The following ZNF335 variants were observed in gnomAD, a reference collection of about 807,000 sequenced individuals.
ZNF335 encodes the protein zinc finger protein 335.
A neutral mutation model predicts 145.6 loss-of-function variants in ZNF335; 84 were observed. That is an observed-to-expected ratio of 0.58 (90% CI 0.48 to 0.69). ZNF335 has a LOEUF of 0.69. Among genes scored for constraint, ZNF335 ranks in the 30% least tolerant of loss-of-function variants. The probability of loss-of-function intolerance (pLI) is 0.00; values close to 1 mark genes in which losing one functional copy is unlikely to be tolerated. For missense variants in ZNF335, 1,865 were observed against 1,809.7 expected, an observed-to-expected ratio of 1.03 and a Z score of -0.55; for synonymous variants, 761 against 717.0, an observed-to-expected ratio of 1.06 and a Z score of -0.98.
chr20:45,961,820 C>T, intron 10 of ZNF335: 1 of 443,146 alleles, frequency 2.3e-6, no homozygotes. Context: ...AACAACTGTC[C>T]CCGTTTGATG....
intron 20 of ZNF335, among the ~76,000 whole-genome samples, chr20:45,951,925 A>G (rs901355464): frequency 3.9e-5 from 6 of 152,086 alleles, no homozygotes; most frequent in African/African-American, 1.4e-4. Flanking sequence ...CTTGGTTCAC[A>G]CTCGGGACAC....
chr20:45,969,589 C>T lies in ZNF335; in HGVS notation c.304G>A (p.Gly102Ser), dbSNP rs538965146. ...SHGPVAGVTG[G>S]PPALVHSSAL... ...CTAGAGTGCACAAGTGCTGGGGGACCGCCTGTCACCCCTGCCACTGGCCCA... is the reference window on the plus strand; with the variant it reads ...CTAGAGTGCACAAGTGCTGGGGGACTGCCTGTCACCCCTGCCACTGGCCCA... Residue 102 changes from glycine to serine, a missense_variant, in exon 3 of 28, where the codon GGT (glycine) becomes AGT (serine). Gly to Ser is a moderately conservative substitution (Grantham distance 56). Transcript: ENST00000322927. The T allele has an allele frequency of 1.3e-5, 21 of 1,605,752 alleles. No individual in the cohort carries two copies. Among genetic ancestry groups the T allele is most frequent in the African/African-American group, 6.7e-5 (5 of 74,936 alleles).
chr20:45,951,819 T>A (rs2083637992), intron 20 of ZNF335, among the ~76,000 whole-genome samples: 1 of 152,252 alleles, frequency 6.6e-6, no homozygotes, highest in African/African-American at 2.4e-5. Flanking sequence ...CACACACTTC[T>A]GTGCCTTTGC....
chr20:45,949,826 G>T lies in ZNF335; in HGVS notation c.3643C>A (p.Gln1215Lys). ...TGGTTGTCGGAGGTCACCAGGTGCT[G>T]TACGGTCTGGCCATCTGCCGTGGTG... ...EITTADGQTV[Q>K]HLVTSDNQVQ... is the part of the protein sequence containing the mutation. Residue 1215 changes from glutamine to lysine, a missense_variant, in exon 24 of 28, where the codon CAG becomes AAG. Physicochemically the swap from Gln to Lys is moderately conservative, Grantham distance 53. Transcript: ENST00000322927. The T allele has an allele frequency of 6.2e-7, 1 of 1,614,150 alleles. No homozygotes were observed. Among genetic ancestry groups the T allele is most frequent in the East Asian group, 2.2e-5 (1 of 44,872 alleles).
chr20:45,963,388 C>T, intron 9 of ZNF335, 85 bp downstream of exon 9: 2 of 1,459,216 alleles, frequency 1.4e-6, no homozygotes, highest in Middle Eastern at 2.3e-4. Context: ...TGCTCTGTGA[C>T]TCCATTCTCC....
intron 17 of ZNF335, 24 bp downstream of exon 17, chr20:45,957,562 G>A: frequency 6.2e-7 from 1 of 1,606,592 alleles, no homozygotes; most frequent in Non-Finnish European, 8.5e-7. Context: ...GCTGGGAAGG[G>A]GAGCAGGTTC....
At chr20:45,955,752 G>A (rs902474473) in intron 17 of ZNF335, among the ~76,000 whole-genome samples, 23 of 151,958 alleles carry the variant, frequency 1.5e-4, no homozygotes, top group African/African-American at 4.3e-4. Flanking sequence ...CCCAGGAGGC[G>A]GAGGTTGCAG....
At chr20:45,954,181 C>A (rs2083684679) in intron 17 of ZNF335, among the ~76,000 whole-genome samples, 1 of 152,192 alleles carries the variant, frequency 6.6e-6, no homozygotes, top group Non-Finnish European at 1.5e-5. Flanking sequence ...TTGTGCCCCC[C>A]ACAAAGATTT....
intron 24 of ZNF335, 57 bp from the exon 25 acceptor site, chr20:45,949,625 A>AGCTT: frequency 6.5e-7 from 1 of 1,533,222 alleles, no homozygotes; most frequent in Non-Finnish European, 8.9e-7. Flanking sequence ...ACTCGCCAGG[A>AGCTT]GCTTAGCTAA....
rs553330304 is a variant in ZNF335 at position 45,955,249 on chromosome 20, G to A, written c.2443-1301C>T. Among the ~76,000 whole-genome samples the A allele has an allele frequency of 4.3e-3, 632 of 147,908 alleles. 4 individuals are homozygous for A. Among genetic ancestry groups the A allele is most frequent in the Non-Finnish European group, 5.4e-3 (366 of 67,386 alleles). On this transcript the variant is annotated intron_variant, in intron 17 of 27. Transcript: ENST00000322927. Reference sequence around the variant, plus strand: ...GGTGTCTGTAGTCCCAGCTACTTGGGAGGCTGAGGCAGAATGGTGTGAACC... The same window carrying A: ...GGTGTCTGTAGTCCCAGCTACTTGGAAGGCTGAGGCAGAATGGTGTGAACC...
chr20:45,969,983 G>T, intron 2 of ZNF335: 2 of 314,688 alleles, frequency 6.4e-6, no homozygotes, highest in Non-Finnish European at 1.2e-5. Context: ...TGCATAAATC[G>T]TTCCCTCTGC....
At chr20:45,970,907 C>CA (rs760063229) in intron 2 of ZNF335, among the ~76,000 whole-genome samples, 10 of 152,032 alleles carry the variant, frequency 6.6e-5, no homozygotes, top group African/African-American at 2.4e-5. Context: ...ATCTGCCTCT[C>CA]AAAGTGTGAG....
In ZNF335 at chr20:45,957,557, G is replaced by T. The variant is rs2083751340; in HGVS notation, c.2442+29C>A. 5 of 1,605,906 alleles carry T rather than the reference G, an allele frequency of 3.1e-6. No individual in the cohort carries two copies. In the Admixed American group the frequency reaches 6.7e-5, roughly 21 times the overall value. ...AGGGCTGGGTACCTGCGGTAGCTGG[G>T]AAGGGGAGCAGGTTCCCAGGCAGCT... On this transcript the variant is annotated intron_variant, in intron 17 of 27. Transcript: ENST00000322927.
intron 17 of ZNF335, among the ~76,000 whole-genome samples, chr20:45,956,230 T>C (rs1328767841): frequency 6.6e-6 from 1 of 151,986 alleles, no homozygotes; most frequent in Non-Finnish European, 1.5e-5. Context: ...TTTTTTTCTT[T>C]TTTTCTTTTT....
chr20:45,957,208 C>T (rs543030421), intron 17 of ZNF335, among the ~76,000 whole-genome samples: 6 of 152,172 alleles, frequency 3.9e-5, no homozygotes, highest in Admixed American at 2.6e-4. Context: ...GGAGGTGTCC[C>T]GGAATGAGGG....
intron 22 of ZNF335, 33 bp downstream of exon 22, chr20:45,950,186 G>C: frequency 6.4e-7 from 1 of 1,562,446 alleles, no homozygotes. Flanking sequence ...GATCTACCCT[G>C]TTGCCCACCC....
rs745325200 is a variant in ZNF335, at chr20:45,971,416, C to A, written c.-6G>T. The A allele has an allele frequency of 1.9e-6, 3 of 1,599,406 alleles. No homozygotes were observed. Among genetic ancestry groups the A allele is most frequent in the Admixed American group, 3.3e-5 (2 of 59,978 alleles). On this transcript the variant is annotated 5_prime_UTR_variant, in exon 2 of 28. Transcript: ENST00000322927. Reference sequence around the variant, plus strand: ...TCCACCTCGTTCTCCTCCATCTGATCGGCGGGCTGCCTGACAGCGGGGCGT... The same window carrying A: ...TCCACCTCGTTCTCCTCCATCTGATAGGCGGGCTGCCTGACAGCGGGGCGT...
chr20:45,972,006 G>C, intron 1 of ZNF335, 116 bp downstream of exon 1: 2 of 1,204,216 alleles, frequency 1.7e-6, no homozygotes, highest in Non-Finnish European at 2.1e-6. Context: ...CTGGGACCCC[G>C]GGGCCCTGTT....
intron 17 of ZNF335, among the ~76,000 whole-genome samples, chr20:45,955,549 T>C (rs796272452): frequency 4.6e-5 from 7 of 152,132 alleles, no homozygotes; most frequent in African/African-American, 1.7e-4. Context: ...CTGGGTACGG[T>C]GGCTCACACC....
Sources: gnomAD v4.1 joint callset for allele counts (sites outside exome capture counted in the v4.1 genomes callset) on GRCh38, gnomAD v4.1.1 for gene constraint, MANE v1.5 for transcripts, NCBI Gene and HGNC (gene_info 2026-07-23, HGNC 2026-07-21) for gene names.